Variants in TMEM164 observed in about 807,000 individuals in gnomAD.
TMEM164 encodes the protein RP13-360B22.2.
In TMEM164, 4 loss-of-function variants were observed where a neutral mutation model predicts 18.8. That is an observed-to-expected ratio of 0.21 (90% CI 0.10 to 0.49). The LOEUF (loss-of-function observed/expected upper bound fraction) is 0.49, where lower values mean the gene tolerates loss of function less well. Ranked by LOEUF, TMEM164 falls within the 20% of genes least tolerant of loss-of-function variation. The pLI, the probability that TMEM164 is intolerant of heterozygous loss-of-function variation, is 0.98. For missense variants in TMEM164, 108 were observed against 239.9 expected (o/e 0.45, Z 3.63); for synonymous variants, 86 against 101.7 (o/e 0.85, Z 0.93).
chrX:110,120,620 T>A (rs1375519050), intron 4 of TMEM164, among the ~76,000 whole-genome samples: 1 of 111,853 alleles, frequency 8.9e-6, no homozygotes, highest in African/African-American at 3.2e-5. Flanking sequence ...TCAAATCCTC[T>A]CTTCTAGCTA....
chrX:110,114,659 G>A (rs1483263123), intron 4 of TMEM164, among the ~76,000 whole-genome samples: 3 of 111,463 alleles, frequency 2.7e-5, no homozygotes, highest in African/African-American at 9.8e-5. Context: ...CCCCATGAGA[G>A]TTTCTTCTGA....
At chrX:110,069,269 T>C (rs2065546942) in intron 3 of TMEM164, among the ~76,000 whole-genome samples, 1 of 111,994 alleles carries the variant, frequency 8.9e-6, no homozygotes. Flanking sequence ...TTTGCTTTTG[T>C]ATGTAATATG....
intron 5 of TMEM164, among the ~76,000 whole-genome samples, chrX:110,166,290 GT>G (rs2067158047): frequency 8.9e-6 from 1 of 112,429 alleles, no homozygotes; most frequent in Admixed American, 9.4e-5. Context: ...CAGTGTCCCT[GT>G]TACTTAATGC....
chrX:110,032,559 A>G (rs1934566186), intron 2 of TMEM164, among the ~76,000 whole-genome samples: 1 of 112,148 alleles, frequency 8.9e-6, no homozygotes, highest in African/African-American at 3.2e-5. Context: ...AGGACAGAAC[A>G]TAACTAACTA....
rs144139860 is a variant in TMEM164 at position 110,139,092 on chromosome X, T to C, written c.508-5706T>C. 1.6e-4 allele frequency among the ~76,000 whole-genome samples: 18 copies of C among 112,859 alleles called. No homozygotes were observed. The Middle Eastern group carries it at 0.014, about 86-fold the overall frequency. ...GAAATAGAGGTGGAAGCTCCATTAC[T>C]ACCACAAATGGAAGTGAGGTCAAGA... On this transcript the variant is annotated intron_variant, in intron 4 of 6. Coordinates refer to ENST00000372068, the MANE Select transcript of TMEM164 (RefSeq NM_032227.4).
At chrX:110,005,971 A>G (rs1026787930) in intron 2 of TMEM164, among the ~76,000 whole-genome samples, 1 of 111,502 alleles carries the variant, frequency 9.0e-6, no homozygotes, top group Non-Finnish European at 1.9e-5. Flanking sequence ...AAGACTGGCA[A>G]CACCATGGTT....
chrX:110,128,969 TGTTGCTTTACTGTAA>T (rs2066574108), intron 4 of TMEM164, among the ~76,000 whole-genome samples: 1 of 111,893 alleles, frequency 8.9e-6, no homozygotes, highest in African/African-American at 3.2e-5. Context: ...TTATTATTTT[TGTTGCTTTACTGTAA>T]GTTGCTTATT....
intron 2 of TMEM164, among the ~76,000 whole-genome samples, chrX:110,007,838 A>G (rs1477268337): frequency 2.7e-5 from 3 of 112,196 alleles, no homozygotes; most frequent in Admixed American, 9.4e-5. Flanking sequence ...TAATTGTCCA[A>G]TTCCTGTTGG....
chrX:110,020,798 A>G (rs918171986), intron 2 of TMEM164: 144 of 504,006 alleles, frequency 2.9e-4, no homozygotes, highest in Non-Finnish European at 3.3e-4. Context: ...TGGTGGATAC[A>G]GAACATTGGG....
At chrX:110,006,384 G>A (rs1036673817) in intron 2 of TMEM164, among the ~76,000 whole-genome samples, 9 of 110,960 alleles carry the variant, frequency 8.1e-5, no homozygotes, top group African/African-American at 3.0e-4. Flanking sequence ...TGGGGGCATG[G>A]AACAGAGCCA....
chrX:110,179,306 A>G (rs1217185917), downstream of TMEM164, among the ~76,000 whole-genome samples: 3 of 111,630 alleles, frequency 2.7e-5, no homozygotes, highest in African/African-American at 6.5e-5. Flanking sequence ...TCCCCACCCT[A>G]GTCTGTATTC....
At chrX:110,020,286 C>T in intron 2 of TMEM164, 2 of 634,303 alleles carry the variant, frequency 3.2e-6, no homozygotes, top group Non-Finnish European at 3.8e-6. Context: ...CTTTGTTTTC[C>T]AGATGAGGAA....
In TMEM164 at chrX:110,017,455, T is replaced by TCG. The variant is rs1276571516; in HGVS notation, c.390+13292_390+13293insGC. On this transcript the variant is annotated intron_variant, in intron 2 of 6. Transcript: ENST00000372068. ...CTTTCTTTCTTTCTTTCTCTCTCTC[T>TCG]CTCTCTCTTTCTTTCCTTCCCTCCC... Among the ~76,000 whole-genome samples the TCG allele has an allele frequency of 1.3e-3, 114 of 86,116 alleles. 1 individual carries two copies. Among genetic ancestry groups the TCG allele is most frequent in the African/African-American group, 4.4e-3 (105 of 23,754 alleles). 74.8% of individuals were successfully genotyped at this position (86,116 alleles called of 115,157 possible).
At chrX:110,165,378 G>A (rs2148121867) in intron 5 of TMEM164, among the ~76,000 whole-genome samples, 1 of 112,835 alleles carries the variant, frequency 8.9e-6, no homozygotes, top group African/African-American at 3.2e-5. Flanking sequence ...CTTATTTATT[G>A]GTTGGTGCAA....
At chrX:110,063,235 C>G (rs1936191062) in intron 2 of TMEM164, among the ~76,000 whole-genome samples, 1 of 112,079 alleles carries the variant, frequency 8.9e-6, no homozygotes, top group Non-Finnish European at 1.9e-5. Flanking sequence ...CTTACCCTGG[C>G]TAGCCTCTCA....
intron 4 of TMEM164, among the ~76,000 whole-genome samples, chrX:110,110,351 A>G (rs1172906269): frequency 8.9e-6 from 1 of 112,411 alleles, no homozygotes; most frequent in Non-Finnish European, 1.9e-5. Context: ...AGGCTCACCT[A>G]ATTAGCTTGA....
At chrX:110,058,678 G>A (rs1935973729) in intron 2 of TMEM164, among the ~76,000 whole-genome samples, 1 of 96,785 alleles carries the variant, frequency 1.0e-5, no homozygotes, top group Admixed American at 1.2e-4. Context: ...TGTGATCTCA[G>A]CTCACTGCAA....
chrX:110,100,243 T>C (rs1186157746), intron 3 of TMEM164, among the ~76,000 whole-genome samples: 1 of 111,149 alleles, frequency 9.0e-6, no homozygotes, highest in African/African-American at 3.3e-5. Context: ...ATCCTTGTCC[T>C]GTTTCTAATG....
intron 3 of TMEM164, among the ~76,000 whole-genome samples, chrX:110,097,963 T>C (rs188371547): frequency 5.4e-5 from 6 of 112,099 alleles, no homozygotes; most frequent in African/African-American, 1.9e-4. Flanking sequence ...TAAAGTTCTA[T>C]GAATCTTAAG....
Sources: gnomAD v4.1 joint callset for allele counts (sites outside exome capture counted in the v4.1 genomes callset) on GRCh38, gnomAD v4.1.1 for gene constraint, MANE v1.5 for transcripts, NCBI Gene and HGNC (gene_info 2026-07-23, HGNC 2026-07-21) for gene names.